The following ADGRE5 variants were observed in gnomAD, a reference collection of about 807,000 sequenced individuals.
ADGRE5 encodes the protein CD97 molecule.
Under a neutral mutation model 100.3 loss-of-function variants are expected in ADGRE5, and 72 were observed. The ratio of observed to expected loss-of-function variants is 0.72; its 90% CI spans 0.59 to 0.87. The LOEUF is 0.87. ADGRE5 is among the 40% of genes least tolerant of loss of function. ADGRE5 has a pLI of 0.00. For missense variants in ADGRE5, 959 were observed against 1,094.7 expected, an observed-to-expected ratio of 0.88 and a Z score of 1.75; for synonymous variants, 439 against 447.8, an observed-to-expected ratio of 0.98 and a Z score of 0.25.
At chr19:14,405,513 A>G (rs1282887157) in intron 13 of ADGRE5, 2 of 495,826 alleles carry the variant, frequency 4.0e-6, no homozygotes, top group Middle Eastern at 5.2e-4. Context: ...GAAAACTGCA[A>G]TTAACCAGGC....
intron 4 of ADGRE5, 63 bp downstream of exon 4, chr19:14,391,142 C>T: frequency 6.2e-7 from 1 of 1,603,590 alleles, no homozygotes; most frequent in South Asian, 1.1e-5. Flanking sequence ...CAGAGCCATT[C>T]TGGCAGCATC....
intron 9 of ADGRE5, among the ~76,000 whole-genome samples, chr19:14,398,674 C>CAAAA (rs71164256): frequency 1.1e-4 from 6 of 53,064 alleles, no homozygotes; most frequent in African/African-American, 3.3e-4. Context: ...GACTCTGTCT[C>CAAAA]AAAAAAAAAA....
At chr19:14,407,010 A>T in intron 17 of ADGRE5, 50 bp downstream of exon 17, 1 of 1,613,818 alleles carries the variant, frequency 6.2e-7, no homozygotes, top group Non-Finnish European at 8.5e-7. Context: ...GGTGAGGGGC[A>T]TGAAGCTGGA....
chr19:14,399,549 G>C (rs1017489159), intron 9 of ADGRE5, among the ~76,000 whole-genome samples: 1 of 122,200 alleles, frequency 8.2e-6, no homozygotes, highest in African/African-American at 3.2e-5. Flanking sequence ...GGGCGACAGA[G>C]CGAGACTCCG....
chr19:14,406,261 C>G lies in ADGRE5; in HGVS notation c.1822-70C>G. 8.1e-7 allele frequency: 1 copy of G among 1,240,940 alleles called. No homozygotes were observed. The highest frequency in any genetic ancestry group is 1.1e-6 in the Non-Finnish European group (1 of 901,566). The allele number at this position is 1,240,940 out of a possible 1,614,324, so 76.9% of individuals were successfully genotyped here. On this transcript the variant is annotated intron_variant, in intron 14 of 19. Transcript: ENST00000242786. The surrounding 1 kb of genome is among the most constrained non-coding windows in gnomAD (Gnocchi z 6.0). ...CCGCCCACTCTCGGGACCTGGCAGGCGACTGGCTCTGGCGCCGCATGCCCC... is the reference window on the plus strand; with the variant it reads ...CCGCCCACTCTCGGGACCTGGCAGGGGACTGGCTCTGGCGCCGCATGCCCC...
At chr19:14,400,048 C>G (rs1224053648) in intron 9 of ADGRE5, among the ~76,000 whole-genome samples, 1 of 150,934 alleles carries the variant, frequency 6.6e-6, no homozygotes, top group Non-Finnish European at 1.5e-5. Context: ...GAGACGGAGT[C>G]TCGCTCTGTC....
chr19:14,393,893 C>T (rs1975686585), intron 4 of ADGRE5, among the ~76,000 whole-genome samples: 1 of 152,146 alleles, frequency 6.6e-6, no homozygotes, highest in Non-Finnish European at 1.5e-5. Flanking sequence ...AAAAAGATCC[C>T]CCTCTCCCGG....
chr19:14,396,438 T>C lies in ADGRE5; in HGVS notation c.443T>C (p.Phe148Ser). ...TATACCTGCCAGTGCCTGCCTGGCT[T>C]CAAGTTCATACCTGAGGATCCGAAG... ...GSYTCQCLPGFKFIPEDPKVC... is the reference protein window; with the variant it reads ...GSYTCQCLPGSKFIPEDPKVC... The change falls in exon 5 of 20, where the codon TTC becomes TCC. Residue 148 changes from phenylalanine (F) to serine (S), a missense_variant. Transcript: ENST00000242786. The C allele has an allele frequency of 6.2e-7, 1 of 1,614,300 alleles. No homozygotes were observed. Among genetic ancestry groups the C allele is most frequent in the Non-Finnish European group, 8.5e-7 (1 of 1,180,054 alleles).
chr19:14,400,056 G>T (rs1005544765), intron 9 of ADGRE5, among the ~76,000 whole-genome samples: 1 of 150,346 alleles, frequency 6.7e-6, no homozygotes, highest in Non-Finnish European at 1.5e-5. Context: ...GTCTCGCTCT[G>T]TCGCCCAGGC....
At chr19:14,394,086 G>A (rs774562408) in intron 4 of ADGRE5, among the ~76,000 whole-genome samples, 4 of 152,176 alleles carry the variant, frequency 2.6e-5, no homozygotes, top group Non-Finnish European at 5.9e-5. Flanking sequence ...GATGGTGGTT[G>A]TGGTTATGAA....
intron 9 of ADGRE5, among the ~76,000 whole-genome samples, chr19:14,399,563 CAAAAAAAAAAAAAAA>C (rs764605166): frequency 7.5e-4 from 24 of 31,850 alleles, no homozygotes; most frequent in Admixed American, 1.4e-3. Flanking sequence ...GACTCCGTCT[CAAAAAAAAAAAAAAA>C]AAAAAAAAAA....
intron 4 of ADGRE5, among the ~76,000 whole-genome samples, chr19:14,393,382 A>G (rs760578172): frequency 2.6e-5 from 4 of 152,162 alleles, no homozygotes; most frequent in African/African-American, 4.8e-5. Flanking sequence ...AGCCTTTGCT[A>G]TGGTCTTGCT....
chr19:14,402,639 C>T lies in ADGRE5; in HGVS notation c.1226C>T (p.Thr409Ile), dbSNP rs1036291221. ...AGILSIQNMTTLLANASLNLH... is the reference protein window; with the variant it reads ...AGILSIQNMTILLANASLNLH... ...ATCCTCTCCATCCAGAACATGACGA[C>T]ATTGCTGGCCAATGCCTCCTTGAAC... The change falls in exon 12 of 20, where the codon ACA becomes ATA. Residue 409 changes from threonine (T) to isoleucine (I), a missense_variant. By Grantham distance (89) the Thr-to-Ile change is moderately conservative. Around this residue, in one of 6 missense-constraint regions of ADGRE5, gnomAD observed 246 missense variants for 242.2 expected, o/e 1.02. Transcript: ENST00000242786. 3 of 1,613,970 alleles carry T rather than the reference C, an allele frequency of 1.9e-6. No individual in the cohort carries two copies. The African/African-American group carries it at 4.0e-5, about 22-fold the overall frequency.
Position 14,408,096 on chromosome 19 carries a change from T to C in ADGRE5, c.2483T>C (p.Leu828Pro), listed in dbSNP as rs1399872662. The C allele has an allele frequency of 1.9e-6, 3 of 1,613,770 alleles. No homozygotes were observed. The highest frequency in any genetic ancestry group is 1.7e-5 in the Admixed American group (1 of 60,006). Residue 828 changes from leucine to proline, a missense_variant, in exon 20 of 20, where the codon CTC (leucine) becomes CCC (proline). Around this residue, in one of 6 missense-constraint regions of ADGRE5, gnomAD observed 428 missense variants for 386.2 expected, o/e 1.11. Transcript: ENST00000242786. ...SGTGHNQTRA[L>P]RASESGI is the part of the protein sequence containing the mutation. ...CCTCTGGGCTCTCCTCTCCAGGCCC[T>C]CAGGGCATCAGAGTCCGGCATATGA...
chr19:14,382,489 C>T (rs770094188), intron 1 of ADGRE5, among the ~76,000 whole-genome samples: 4 of 152,176 alleles, frequency 2.6e-5, no homozygotes, highest in African/African-American at 4.8e-5. Context: ...AACCCGTCTC[C>T]GTCTTAGATT....
At position 14,398,365 on chromosome 19, in the gene ADGRE5, A is replaced by G. The variant is rs1027983771; in HGVS notation, c.897+226A>G. 2.7e-5 allele frequency: 15 copies of G among 559,800 alleles called. No homozygotes were observed. In the African/African-American group the frequency reaches 2.8e-4, roughly 11 times the overall value. The allele number at this position is 559,800 out of a possible 1,614,324, so 34.7% of individuals were successfully genotyped here. Reference sequence around the variant, plus strand: ...ACCAGGTATAATGGCAACAGAGTGCAGCACTTAAGAACCTGGAGTTGAGGC... The same window carrying G: ...ACCAGGTATAATGGCAACAGAGTGCGGCACTTAAGAACCTGGAGTTGAGGC... On this transcript the variant is annotated intron_variant, in intron 9 of 19. Transcript: ENST00000242786.
At chr19:14,391,318 T>C in intron 4 of ADGRE5, 1 of 567,040 alleles carries the variant, frequency 1.8e-6, no homozygotes, top group East Asian at 2.9e-5. Flanking sequence ...TGTATGACGT[T>C]GGCCAGGATA....
At chr19:14,407,846 G>C (rs1208037837) in intron 18 of ADGRE5, 62 bp from the exon 19 acceptor site, 8 of 1,378,728 alleles carry the variant, frequency 5.8e-6, no homozygotes, top group Non-Finnish European at 7.2e-6. Flanking sequence ...GGCAGAGCAT[G>C]GGGAGGAGCG....
At position 14,406,782 on chromosome 19, in the gene ADGRE5, C is replaced by T. The variant is rs74937637; in HGVS notation, c.2115+16C>T. On this transcript the variant is annotated intron_variant, in intron 16 of 19. Transcript: ENST00000242786. This position sits in a 1 kb window ranked among gnomAD's most constrained non-coding sequence, Gnocchi z 6.0. Reference sequence around the variant, plus strand: ...CATCATTTTGGTAAGTACCCACTCTCCCTCCACCGAAGCCCGAGCGCCACA... The same window carrying T: ...CATCATTTTGGTAAGTACCCACTCTTCCTCCACCGAAGCCCGAGCGCCACA... The T allele has an allele frequency of 0.081, 131,240 of 1,613,400 alleles. 5,982 individuals carry two copies. Among genetic ancestry groups the T allele is most frequent in the Admixed American group, 0.16 (9,900 of 60,018 alleles).
Sources: allele counts gnomAD v4.1 joint callset (sites outside exome capture counted in the v4.1 genomes callset), GRCh38; gene constraint gnomAD v4.1.1; regional missense constraint gnomAD v4.1.1; non-coding constraint Gnocchi (gnomAD v3.1); transcripts MANE v1.5; gene names NCBI Gene and HGNC (gene_info 2026-07-23, HGNC 2026-07-21).